The following FSTL5 variants were observed in gnomAD, a reference collection of about 807,000 sequenced individuals.
FSTL5 encodes follistatin-related protein 5.
Under a neutral mutation model 89.1 loss-of-function variants are expected in FSTL5, and 62 were observed. The observed-to-expected ratio is 0.70, with a 90% confidence interval of 0.57 to 0.86. FSTL5 has a LOEUF of 0.86. Among genes scored for constraint, FSTL5 ranks in the 40% least tolerant of loss-of-function variants. The probability of loss-of-function intolerance (pLI) is 0.00; values close to 1 mark genes in which losing one functional copy is unlikely to be tolerated. For missense variants in FSTL5, 1,057 were observed against 1,001.6 expected, an observed-to-expected ratio of 1.06 and a Z score of -0.75; for synonymous variants, 383 against 346.2, an observed-to-expected ratio of 1.11 and a Z score of -1.18.
At chr4:161,659,830 T>A (rs1210097010) in intron 6 of FSTL5, among the ~76,000 whole-genome samples, 1 of 152,218 alleles carries the variant, frequency 6.6e-6, no homozygotes, top group Non-Finnish European at 1.5e-5. Flanking sequence ...TATACATTAA[T>A]AATGACTTGT....
At chr4:161,746,318 T>C (rs1740201927) in intron 6 of FSTL5, among the ~76,000 whole-genome samples, 1 of 152,186 alleles carries the variant, frequency 6.6e-6, no homozygotes, top group Non-Finnish European at 1.5e-5. Flanking sequence ...TCACCAATTT[T>C]GTTGGATCTT....
In FSTL5 at chr4:161,984,321, G is replaced by A. The variant is rs187779768; in HGVS notation, c.160+49304C>T. The stretch of plus-strand genomic sequence containing the variant: ...TCTGCTATAGATCTTTGCTTTTTTT[G>A]CTATAAGTTTTTCTGCAGTAGCTTT... On this transcript the variant is annotated intron_variant, in intron 3 of 15. Transcript: ENST00000306100. Among the ~76,000 whole-genome samples the A allele has an allele frequency of 3.5e-3, 526 of 151,486 alleles. 6 individuals carry two copies. The highest frequency in any genetic ancestry group is 3.8e-3 in the Admixed American group (58 of 15,222).
At chr4:161,622,656 G>A (rs1274873351) in intron 7 of FSTL5, among the ~76,000 whole-genome samples, 3 of 152,014 alleles carry the variant, frequency 2.0e-5, no homozygotes, top group Admixed American at 1.3e-4. Context: ...TTAAGAGAAT[G>A]ATTTAATTAC....
At chr4:161,720,488 G>C (rs959380767) in intron 6 of FSTL5, among the ~76,000 whole-genome samples, 1 of 152,056 alleles carries the variant, frequency 6.6e-6, no homozygotes, top group Non-Finnish European at 1.5e-5. Flanking sequence ...TCTACTACAT[G>C]ATCTAGCAAT....
At chr4:162,024,388 C>T (rs149434858) in intron 3 of FSTL5, among the ~76,000 whole-genome samples, 82 of 148,570 alleles carry the variant, frequency 5.5e-4, no homozygotes, top group African/African-American at 1.8e-3. Context: ...TTTGTCTTTA[C>T]TTTTTATTTC....
intron 4 of FSTL5, among the ~76,000 whole-genome samples, chr4:161,812,879 C>A (rs1358460941): frequency 1.2e-4 from 5 of 41,562 alleles, no homozygotes; most frequent in Admixed American, 5.0e-4. Flanking sequence ...TAAATCCCAG[C>A]AAAAAAAAAA....
chr4:161,818,865 T>C (rs1730410241), intron 4 of FSTL5, among the ~76,000 whole-genome samples: 1 of 152,206 alleles, frequency 6.6e-6, no homozygotes, highest in Non-Finnish European at 1.5e-5. Context: ...TTTTGCATTT[T>C]ATTTTTCTGA....
chr4:162,000,595 C>T (rs1158990205), intron 3 of FSTL5, among the ~76,000 whole-genome samples: 1 of 145,920 alleles, frequency 6.9e-6, no homozygotes, highest in Non-Finnish European at 1.5e-5. Flanking sequence ...GAGACTCAGT[C>T]TAAAAAAAAA....
chr4:161,872,960 C>T (rs1171905482), intron 4 of FSTL5, among the ~76,000 whole-genome samples: 2 of 152,146 alleles, frequency 1.3e-5, no homozygotes, highest in Non-Finnish European at 2.9e-5. Flanking sequence ...ATTTTGAACA[C>T]ACTGTGCTTG....
rs73862333 is a variant in FSTL5, at chr4:161,603,296, G to A, written c.895-15721C>T. The stretch of plus-strand genomic sequence containing the variant: ...TTTCCCAGTGCATATAAAAAGTTAC[G>A]TTTGCACTATATTATAGTTTAGTAA... On this transcript the variant is annotated intron_variant, in intron 7 of 15. Transcript: ENST00000306100. 8.1e-3 allele frequency among the ~76,000 whole-genome samples: 1,239 copies of A among 152,188 alleles called. 11 individuals carry two copies. Among genetic ancestry groups the A allele is most frequent in the African/African-American group, 0.027 (1,120 of 41,536 alleles).
rs1390809886 is a variant in FSTL5 at position 161,542,523 on chromosome 4, A to T, written c.1177+9T>A. 7.0e-7 allele frequency: 1 copy of T among 1,422,558 alleles called. No individual in the cohort carries two copies. The highest frequency in any genetic ancestry group is 1.5e-5 in the African/African-American group (1 of 68,384). The allele number at this position is 1,422,558 out of a possible 1,614,324, so 88.1% of individuals were successfully genotyped here. A position where few individuals can be genotyped will look rare whatever the true frequency, so the allele number is the denominator to read the frequency against. On this transcript the variant is annotated intron_variant, in intron 9 of 15. Coordinates refer to ENST00000306100, the MANE Select transcript of FSTL5 (RefSeq NM_020116.5). ...TCATTTAAGAGAAAAAAAAGCAAGT[A>T]AAAAGCACCTTGAAGCGTGAGTTGT...
At chr4:161,639,864 T>C (rs1292107703) in intron 7 of FSTL5, among the ~76,000 whole-genome samples, 7 of 152,210 alleles carry the variant, frequency 4.6e-5, no homozygotes, top group Non-Finnish European at 2.9e-5. Flanking sequence ...AAGAAGTGGA[T>C]GGCCACTGTT....
intron 3 of FSTL5, among the ~76,000 whole-genome samples, chr4:161,988,650 C>T (rs185355649): frequency 1.2e-4 from 18 of 152,188 alleles, no homozygotes; most frequent in South Asian, 8.3e-4. Context: ...AATGTATTTA[C>T]GCATATAATC....
rs1731545649 is a variant in FSTL5, at chr4:161,534,961, A to G, written c.1312+3205T>C. 2.0e-5 allele frequency among the ~76,000 whole-genome samples: 3 copies of G among 152,256 alleles called. No homozygotes were observed. In the South Asian group the frequency reaches 6.2e-4, roughly 32 times the overall value. ...TATCTTTGACAAAATAGACAAAAAA[A>G]GCAACAGGGAAAGGACTATCTATTC... On this transcript the variant is annotated intron_variant, in intron 10 of 15. Transcript: ENST00000306100.
At chr4:161,511,053 A>G (rs1730636385) in intron 10 of FSTL5, among the ~76,000 whole-genome samples, 1 of 152,160 alleles carries the variant, frequency 6.6e-6, no homozygotes, top group African/African-American at 2.4e-5. Flanking sequence ...CTTAATCAGT[A>G]AAGAGCTAAT....
At chr4:161,769,416 A>G (rs1009927398) in intron 5 of FSTL5, among the ~76,000 whole-genome samples, 3 of 151,998 alleles carry the variant, frequency 2.0e-5, no homozygotes, top group Non-Finnish European at 4.4e-5. Flanking sequence ...TTCCTGATAA[A>G]CATTGACGCA....
rs1366014285 is a variant in FSTL5, at chr4:161,615,298, A to C, written c.895-27723T>G. 1.2e-3 allele frequency among the ~76,000 whole-genome samples: 109 copies of C among 94,034 alleles called. 2 individuals are homozygous for C. Among genetic ancestry groups the C allele is most frequent in the South Asian group, 3.1e-3 (9 of 2,936 alleles). The allele number at this position is 94,034 out of a possible 152,430, so 61.7% of individuals were successfully genotyped here. On this transcript the variant is annotated intron_variant, in intron 7 of 15. Transcript: ENST00000306100. ...AACAGAGGGAGACTCTGTCTCAAAA[A>C]AAAAAAAAAAAAAAAAAATTAGCTG...
At chr4:161,496,244 A>T (rs1202105727) in intron 12 of FSTL5, among the ~76,000 whole-genome samples, 1 of 152,168 alleles carries the variant, frequency 6.6e-6, no homozygotes, top group Admixed American at 6.6e-5. Context: ...GCATGTTGAG[A>T]ATACAAACAC....
intron 3 of FSTL5, among the ~76,000 whole-genome samples, chr4:161,934,418 G>C (rs1332195205): frequency 6.6e-6 from 1 of 151,992 alleles, no homozygotes; most frequent in African/African-American, 2.4e-5. Context: ...AGAAGGTTGG[G>C]AAGTATAGCA....
Sources: gnomAD v4.1 joint callset for allele counts (sites outside exome capture counted in the v4.1 genomes callset) on GRCh38, gnomAD v4.1.1 for gene constraint, MANE v1.5 for transcripts, NCBI Gene and HGNC (gene_info 2026-07-23, HGNC 2026-07-21) for gene names.